CHRM5: variants seen among roughly 807,000 people sequenced by gnomAD.
The protein encoded by CHRM5 is muscarinic acetylcholine receptor M5.
Under a neutral mutation model 39.0 loss-of-function variants are expected in CHRM5, and 18 were observed. The ratio of observed to expected loss-of-function variants is 0.46; its 90% CI spans 0.32 to 0.68. The LOEUF is 0.68. CHRM5 is among the 30% of genes least tolerant of loss of function. The pLI is 0.04. For synonymous variants in CHRM5, 241 were observed against 246.3 expected, an observed-to-expected ratio of 0.98 and a Z score of 0.20; for missense variants, 515 against 651.1, an observed-to-expected ratio of 0.79 and a Z score of 2.28.
intron 1 of CHRM5, among the ~76,000 whole-genome samples, chr15:33,995,868 G>T (rs188053089): frequency 3.5e-4 from 53 of 152,356 alleles, no homozygotes; most frequent in Middle Eastern, 3.4e-3. Flanking sequence ...GAGCTGAAGC[G>T]GGGCGGGGCG....
At chr15:33,978,401 C>T (rs1005832559) in intron 1 of CHRM5, among the ~76,000 whole-genome samples, 6 of 152,148 alleles carry the variant, frequency 3.9e-5, no homozygotes, top group South Asian at 2.1e-4. Flanking sequence ...CGATGGCTCA[C>T]GCCTGTAATC....
intron 1 of CHRM5, among the ~76,000 whole-genome samples, chr15:34,032,402 A>G (rs4779656): frequency 0.15 from 22,518 of 152,170 alleles, 2,064 homozygotes; most frequent in Middle Eastern, 0.28. Context: ...AACACATGCC[A>G]GTGGTATCGA....
At chr15:34,009,604 A>G (rs1244349979) in intron 1 of CHRM5, among the ~76,000 whole-genome samples, 1 of 152,236 alleles carries the variant, frequency 6.6e-6, no homozygotes, top group Non-Finnish European at 1.5e-5. Flanking sequence ...GCATGACTAC[A>G]TAAATATCAG....
chr15:34,053,575 G>T (rs1900024139), intron 2 of CHRM5, among the ~76,000 whole-genome samples: 1 of 151,806 alleles, frequency 6.6e-6, no homozygotes, highest in African/African-American at 2.4e-5. Flanking sequence ...ACAAGCAGTG[G>T]GGAAAGGATT....
intron 1 of CHRM5, chr15:34,039,041 C>A: frequency 1.8e-6 from 2 of 1,110,870 alleles, no homozygotes; most frequent in African/African-American, 3.3e-5. Context: ...CTCGCTCCGC[C>A]TGCATCTGGC....
intron 1 of CHRM5, among the ~76,000 whole-genome samples, chr15:33,975,610 T>C (rs530661825): frequency 6.6e-6 from 1 of 152,224 alleles, no homozygotes; most frequent in African/African-American, 2.4e-5. Context: ...CAGAATTCAG[T>C]GTGAGAAAAC....
At chr15:34,025,772 T>TTG (rs566774077) in intron 1 of CHRM5, among the ~76,000 whole-genome samples, 1 of 151,732 alleles carries the variant, frequency 6.6e-6, no homozygotes, top group Admixed American at 6.6e-5. Context: ...GTGTGTGTGT[T>TTG]TGTGTGTGTG....
rs79002796 is a variant in CHRM5 at position 34,040,259 on chromosome 15, G to T, written c.-407-6281G>T. Reference sequence around the variant, plus strand: ...TGTGAATAGATGATTACAGTACCGTGTTGCTGAGTGCAGTGAGAGATTCAA... The same window carrying T: ...TGTGAATAGATGATTACAGTACCGTTTTGCTGAGTGCAGTGAGAGATTCAA... On this transcript the variant is annotated intron_variant, in intron 1 of 2. Transcript: ENST00000383263. Among the ~76,000 whole-genome samples the T allele has an allele frequency of 5.8e-3, 876 of 152,276 alleles. 13 individuals are homozygous for T. Among genetic ancestry groups the T allele is most frequent in the African/African-American group, 0.02 (841 of 41,542 alleles).
intron 1 of CHRM5, among the ~76,000 whole-genome samples, chr15:34,017,883 G>A (rs1898013383): frequency 1.3e-5 from 2 of 152,048 alleles, no homozygotes; most frequent in Admixed American, 1.3e-4. Context: ...TACAACAGTG[G>A]TCCCATAAGG....
At chr15:34,052,039 A>G (rs913421115) in intron 2 of CHRM5, among the ~76,000 whole-genome samples, 1 of 152,110 alleles carries the variant, frequency 6.6e-6, no homozygotes, top group East Asian at 1.9e-4. Context: ...CAGAGATACA[A>G]CAAAAAAAAG....
At chr15:33,976,339 C>T (rs1022207417) in intron 1 of CHRM5, among the ~76,000 whole-genome samples, 6 of 152,210 alleles carry the variant, frequency 3.9e-5, no homozygotes, top group Admixed American at 3.9e-4. Context: ...TGAAGTCAAT[C>T]TCCTAAGTGA....
At chr15:33,972,275 C>G (rs1333517541) in intron 1 of CHRM5, 1 of 151,860 alleles carries the variant, frequency 6.6e-6, no homozygotes, top group Non-Finnish European at 1.5e-5. Context: ...GAAATAGATG[C>G]AAAATTTCAC....
At position 34,002,996 on chromosome 15, in the gene CHRM5, A is replaced by G. The variant is rs74577185; in HGVS notation, c.-408+33846A>G. 905 of 1,513,932 alleles carry G rather than the reference A, an allele frequency of 6.0e-4. 6 individuals are homozygous for G. The African/African-American group carries it at 8.7e-3, about 15-fold the overall frequency. 93.8% of individuals were successfully genotyped at this position (1,513,932 alleles called of 1,614,324 possible). A position where few individuals can be genotyped will look rare whatever the true frequency, so the allele number is the denominator to read the frequency against. ...TATAAAATGTCTGTGCAACTTTCAGAGCACTAAACAGTATGCATGCAACTG... is the reference window on the plus strand; with the variant it reads ...TATAAAATGTCTGTGCAACTTTCAGGGCACTAAACAGTATGCATGCAACTG... On this transcript the variant is annotated intron_variant, in intron 1 of 2. Coordinates refer to ENST00000383263, the MANE Select transcript of CHRM5 (RefSeq NM_012125.4).
chr15:34,027,528 C>A (rs374268673), intron 1 of CHRM5, among the ~76,000 whole-genome samples: 206 of 132,520 alleles, frequency 1.6e-3, no homozygotes, highest in Admixed American at 2.2e-3. Context: ...GACTCTGTCT[C>A]AAAAAAAAAA....
chr15:33,980,900 T>C (rs1350880797), intron 1 of CHRM5, among the ~76,000 whole-genome samples: 3 of 152,178 alleles, frequency 2.0e-5, no homozygotes, highest in Non-Finnish European at 4.4e-5. Context: ...TAGCCTGCCC[T>C]AAAAATCGTA....
rs189925072 is a variant in CHRM5, at chr15:34,043,419, G to C, written c.-407-3121G>C. ...AGGCAAGCAGATTTTCTATAGTTTA[G>C]CTAGTTTCTCGTGCTTAATATATAA... On this transcript the variant is annotated intron_variant, in intron 1 of 2. Coordinates refer to ENST00000383263, the MANE Select transcript of CHRM5 (RefSeq NM_012125.4). Among the ~76,000 whole-genome samples, 3 of 152,232 alleles carry C rather than the reference G, an allele frequency of 2.0e-5. No individual in the cohort carries two copies. In the East Asian group the frequency reaches 5.8e-4, roughly 29 times the overall value.
At chr15:34,016,475 C>G (rs1346497161) in intron 1 of CHRM5, among the ~76,000 whole-genome samples, 2 of 151,998 alleles carry the variant, frequency 1.3e-5, no homozygotes, top group Non-Finnish European at 2.9e-5. Context: ...CCACATGACT[C>G]TTTTTTCTTA....
At chr15:34,035,651 T>C (rs767906584) in intron 1 of CHRM5, among the ~76,000 whole-genome samples, 6 of 152,190 alleles carry the variant, frequency 3.9e-5, no homozygotes, top group Non-Finnish European at 7.3e-5. Flanking sequence ...TTACTGTTAT[T>C]ACTAGAGGAA....
intron 2 of CHRM5, among the ~76,000 whole-genome samples, chr15:34,050,550 G>GCTGGAT (rs1389615976): frequency 6.6e-6 from 1 of 152,078 alleles, no homozygotes; most frequent in Non-Finnish European, 1.5e-5. Flanking sequence ...AAAAGACACA[G>GCTGGAT]AATGACAAGC....
Sources: allele counts gnomAD v4.1 joint callset (sites outside exome capture counted in the v4.1 genomes callset), GRCh38; gene constraint gnomAD v4.1.1; transcripts MANE v1.5; gene names NCBI Gene and HGNC (gene_info 2026-07-23, HGNC 2026-07-21).